IL1RAPL1: variants seen among roughly 807,000 people sequenced by gnomAD.
The protein encoded by IL1RAPL1 is interleukin-1 receptor accessory protein-like 1.
IL1RAPL1 carries 3 observed loss-of-function variants against 48.4 expected under a neutral mutation model. The observed-to-expected ratio is 0.06, with a 90% CI of 0.03 to 0.16. The LOEUF is 0.16. IL1RAPL1 is among the 10% of genes least tolerant of loss of function. IL1RAPL1 has a pLI of 1.00. For missense variants in IL1RAPL1, 349 were observed against 530.6 expected, an observed-to-expected ratio of 0.66 and a Z score of 3.36; for synonymous variants, 185 against 187.7, an observed-to-expected ratio of 0.99 and a Z score of 0.12.
chrX:28,979,694 A>G (rs1041227798), intron 2 of IL1RAPL1, among the ~76,000 whole-genome samples: 3 of 112,348 alleles, frequency 2.7e-5, no homozygotes, highest in African/African-American at 9.7e-5. Flanking sequence ...AGAGAGAGTC[A>G]GAAGAATTAC....
intron 5 of IL1RAPL1, among the ~76,000 whole-genome samples, chrX:29,634,985 A>G (rs777081264): frequency 5.4e-5 from 6 of 111,781 alleles, no homozygotes; most frequent in Admixed American, 9.5e-5. Context: ...CATTGAGGGA[A>G]CTAATAAGAA....
intron 3 of IL1RAPL1, among the ~76,000 whole-genome samples, chrX:29,324,297 C>T (rs1932829732): frequency 9.0e-6 from 1 of 111,602 alleles, no homozygotes; most frequent in African/African-American, 3.3e-5. Context: ...ATCATAGTTT[C>T]TTGTGGCTTG....
At chrX:29,387,354 G>T (rs149601314) in intron 3 of IL1RAPL1, among the ~76,000 whole-genome samples, 1 of 112,207 alleles carries the variant, frequency 8.9e-6, no homozygotes, top group African/African-American at 3.2e-5. Context: ...ATTTCTAAAT[G>T]TGCTGAGTTC....
chrX:29,871,785 G>A lies in IL1RAPL1; in HGVS notation c.779-45679G>A, dbSNP rs151103667. On this transcript the variant is annotated intron_variant, in intron 6 of 10. Coordinates refer to ENST00000378993, the MANE Select transcript of IL1RAPL1 (RefSeq NM_014271.4). ...GTCACCCAGGCTGGAGTGCAGTGGC[G>A]CTATCTCTGCTCACTGCAACCTCCG... Among the ~76,000 whole-genome samples the A allele has an allele frequency of 1.8e-3, 203 of 110,769 alleles. 6 individuals are homozygous for A. The East Asian group carries it at 0.054, about 29-fold the overall frequency.
intron 2 of IL1RAPL1, among the ~76,000 whole-genome samples, chrX:28,888,268 A>AC (rs1188018222): frequency 1.8e-5 from 2 of 110,643 alleles, no homozygotes; most frequent in Admixed American, 1.9e-4. Flanking sequence ...GTAAAAAAAA[A>AC]AAAACAAAAA....
chrX:29,347,086 G>T (rs747164928), intron 3 of IL1RAPL1, among the ~76,000 whole-genome samples: 1 of 110,866 alleles, frequency 9.0e-6, no homozygotes, highest in Admixed American at 9.6e-5. Context: ...CTTATTTGTA[G>T]GAGATAGGTT....
chrX:29,466,065 A>T (rs1275578684), intron 5 of IL1RAPL1, among the ~76,000 whole-genome samples: 1 of 112,490 alleles, frequency 8.9e-6, no homozygotes, highest in African/African-American at 3.2e-5. Flanking sequence ...TTTTAGTGTA[A>T]GTATGTCTCA....
At chrX:29,532,063 A>C (rs1377026065) in intron 5 of IL1RAPL1, among the ~76,000 whole-genome samples, 2 of 111,996 alleles carry the variant, frequency 1.8e-5, no homozygotes, top group Admixed American at 9.5e-5. Context: ...CCAATAACAC[A>C]TAGATAATTA....
intron 2 of IL1RAPL1, among the ~76,000 whole-genome samples, chrX:29,196,323 G>A (rs1285098012): frequency 7.2e-5 from 8 of 111,845 alleles, no homozygotes; most frequent in East Asian, 2.8e-4. Flanking sequence ...CAATAATATC[G>A]TAGTATGTCC....
At chrX:28,607,230 C>T (rs769217127) in intron 1 of IL1RAPL1, among the ~76,000 whole-genome samples, 66 of 109,456 alleles carry the variant, frequency 6.0e-4, no homozygotes, top group African/African-American at 2.0e-3. Flanking sequence ...TTAAAGTCGA[C>T]GACAGAATGT....
At chrX:29,476,989 T>C (rs752963926) in intron 5 of IL1RAPL1, among the ~76,000 whole-genome samples, 160 of 101,149 alleles carry the variant, frequency 1.6e-3, no homozygotes, top group Non-Finnish European at 2.6e-3. Flanking sequence ...CACGCCATTC[T>C]CCTGCCTCAG....
chrX:29,137,256 G>GCGCGCACACA (rs899409088), intron 2 of IL1RAPL1, among the ~76,000 whole-genome samples: 4 of 27,599 alleles, frequency 1.4e-4, no homozygotes, highest in African/African-American at 6.0e-4. Flanking sequence ...ACACACTTGC[G>GCGCGCACACA]CTCACACACA....
At chrX:29,895,970 G>A (rs1601871460) in intron 6 of IL1RAPL1, among the ~76,000 whole-genome samples, 1 of 112,065 alleles carries the variant, frequency 8.9e-6, no homozygotes, top group African/African-American at 3.2e-5. Context: ...TAGGTGCGTG[G>A]AGGGAGTACC....
intron 5 of IL1RAPL1, among the ~76,000 whole-genome samples, chrX:29,616,918 T>C (rs1263967923): frequency 1.8e-5 from 2 of 111,673 alleles, no homozygotes; most frequent in Non-Finnish European, 3.8e-5. Flanking sequence ...AAGTCTGTCT[T>C]TTAAGTTTAC....
chrX:29,814,925 G>C (rs1930462514), intron 6 of IL1RAPL1, among the ~76,000 whole-genome samples: 1 of 111,049 alleles, frequency 9.0e-6, no homozygotes, highest in Non-Finnish European at 1.9e-5. Flanking sequence ...TATCCATTCT[G>C]TTCCATTGGT....
At chrX:29,767,896 G>C (rs1457094055) in intron 6 of IL1RAPL1, among the ~76,000 whole-genome samples, 1 of 110,364 alleles carries the variant, frequency 9.1e-6, no homozygotes, top group Admixed American at 9.7e-5. Flanking sequence ...TCTTGAATTC[G>C]ATAATCACAA....
intron 5 of IL1RAPL1, among the ~76,000 whole-genome samples, chrX:29,595,854 A>G (rs766067960): frequency 2.7e-5 from 3 of 111,494 alleles, no homozygotes; most frequent in Non-Finnish European, 1.9e-5. Context: ...ATCTTCTAGA[A>G]TCTTTGGTTT....
rs1172652572 is a variant in IL1RAPL1 at position 28,866,434 on chromosome X, G to T, written c.82+77009G>T. ...CTACAAATTGGGTTCAGTGTATACT[G>T]CTCGGGTAATGAGTGCATCAGAATC... On this transcript the variant is annotated intron_variant, in intron 2 of 10. Coordinates refer to ENST00000378993, the MANE Select transcript of IL1RAPL1 (RefSeq NM_014271.4). Among the ~76,000 whole-genome samples, 9 of 111,410 alleles carry T rather than the reference G, an allele frequency of 8.1e-5. No homozygotes were observed. The East Asian group carries it at 2.5e-3, about 31-fold the overall frequency.
intron 5 of IL1RAPL1, among the ~76,000 whole-genome samples, chrX:29,412,526 T>C (rs1309750230): frequency 8.9e-6 from 1 of 112,652 alleles, no homozygotes; most frequent in African/African-American, 3.2e-5. Flanking sequence ...ATTGATATCA[T>C]GTTGAAGTGA....
Sources: gnomAD v4.1 joint callset for allele counts (sites outside exome capture counted in the v4.1 genomes callset) on GRCh38, gnomAD v4.1.1 for gene constraint, MANE v1.5 for transcripts, NCBI Gene and HGNC (gene_info 2026-07-23, HGNC 2026-07-21) for gene names.